SERPINB9: variants seen among roughly 807,000 people sequenced by gnomAD.
SERPINB9 encodes serpin family B member 9.
SERPINB9 carries 20 observed loss-of-function variants against 27.2 expected under a neutral mutation model. The observed-to-expected ratio is 0.74, with a 90% CI of 0.52 to 1.07. SERPINB9 has a LOEUF of 1.07. Ranked by LOEUF, SERPINB9 falls within the 50% of genes least tolerant of loss-of-function variation. SERPINB9 has a pLI of 0.00. For missense variants in SERPINB9, 476 were observed against 460.1 expected (o/e 1.03, Z -0.32); for synonymous variants, 189 against 180.0 (o/e 1.05, Z -0.40).
In SERPINB9 at chr6:2,891,997, A is replaced by C. The variant is rs565478932; in HGVS notation, c.568-9T>G. 4 of 1,605,544 alleles carry C rather than the reference A, an allele frequency of 2.5e-6. No individual in the cohort carries two copies. The highest frequency in any genetic ancestry group is 1.7e-4 in the Middle Eastern group (1 of 6,048). ...ACTGGCCTTTGCTCCTCCTGGGGGA[A>C]GGATTATTGAAAGACGCAATTAAAA... On this transcript the variant is annotated splice_polypyrimidine_tract_variant and intron_variant, in intron 5 of 6. Coordinates refer to ENST00000380698, the MANE Select transcript of SERPINB9 (RefSeq NM_004155.6). This position sits in a 1 kb window ranked among gnomAD's most constrained non-coding sequence, Gnocchi z 4.0.
In SERPINB9 at chr6:2,888,782, A is replaced by T. The variant is rs1767677961; in HGVS notation, c.*1381T>A. 1.3e-5 allele frequency: 2 copies of T among 152,160 alleles called. No individual in the cohort carries two copies. The allele number at this position is 152,160 out of a possible 1,614,324, so 9.4% of individuals were successfully genotyped here. ...TGGTGGTTATGCAACATTGTTAACA[A>T]TACTAAGTGGCACTGAACTTCTCAC... On this transcript the variant is annotated 3_prime_UTR_variant, in exon 7 of 7. Transcript: ENST00000380698.
Position 2,891,856 on chromosome 6 carries a change from C to T in SERPINB9, c.700G>A (p.Asp234Asn), listed in dbSNP as rs1372969648. 1.9e-6 allele frequency: 3 copies of T among 1,608,460 alleles called. No homozygotes were observed. The highest frequency in any genetic ancestry group is 3.4e-5 in the Admixed American group (2 of 59,510). Residue 234 changes from aspartate (D) to asparagine (N), a missense_variant, in exon 6 of 7, where the codon GAC (aspartate) becomes AAC (asparagine). Coordinates refer to ENST00000380698, the MANE Select transcript of SERPINB9 (RefSeq NM_004155.6). This position sits in a 1 kb window ranked among gnomAD's most constrained non-coding sequence, Gnocchi z 4.0. ...ACCGTGCTGAGCTCCACGCCGTCGT[C>T]AGGCAGCAGCACCAGCAGGCTCAGC... ...KELSLLVLLPDDGVELSTVEK... is the reference protein window; with the variant it reads ...KELSLLVLLPNDGVELSTVEK...
chr6:2,902,491 T>C (rs958709049), intron 1 of SERPINB9, among the ~76,000 whole-genome samples: 20 of 152,060 alleles, frequency 1.3e-4, no homozygotes, highest in African/African-American at 4.8e-4. Context: ...TTTATTTTTT[T>C]GTTGTTGTTG....
Position 2,896,134 on chromosome 6 carries a change from A to G in SERPINB9, c.225T>C (p.Thr75=). The G allele has an allele frequency of 3.1e-6, 5 of 1,614,104 alleles. No homozygotes were observed. Among genetic ancestry groups the G allele is most frequent in the Non-Finnish European group, 4.2e-6 (5 of 1,179,984 alleles). The change falls in exon 3 of 7, where the codon ACT becomes ACC. Residue 75 remains threonine, a synonymous_variant. Transcript: ENST00000380698. The part of the protein sequence containing the change: ...DIHRAFQSLL[T]EVNKAGTQYL... ...ACTGTGTGCCAGCCTTGTTCACTTC[A>G]GTGAGAAGCGACTGGAAAGCCCGAT...
rs952407756 is a variant in SERPINB9 at position 2,890,123 on chromosome 6, A to G, written c.*40T>C. 6.3e-6 allele frequency: 10 copies of G among 1,581,678 alleles called. No homozygotes were observed. The highest frequency in any genetic ancestry group is 7.7e-6 in the Non-Finnish European group (9 of 1,161,412). ...AGCTGTAGTGGGGATCTGGGGACACAGGAAGAGGGAAATGGCCGAGTGCAC... is the reference window on the plus strand; with the variant it reads ...AGCTGTAGTGGGGATCTGGGGACACGGGAAGAGGGAAATGGCCGAGTGCAC... On this transcript the variant is annotated 3_prime_UTR_variant, in exon 7 of 7. Transcript: ENST00000380698. The surrounding 1 kb of genome is among the most constrained non-coding windows in gnomAD (Gnocchi z 6.2).
Position 2,891,380 on chromosome 6 carries a change from T to C in SERPINB9, c.723+453A>G, listed in dbSNP as rs1767795891. ...ATAATGCTAAGAATGATGATTGTAA[T>C]AATGGATCACATTTGTAGAGCATTT... On this transcript the variant is annotated intron_variant, in intron 6 of 6. Transcript: ENST00000380698. The surrounding 1 kb of genome is among the most constrained non-coding windows in gnomAD (Gnocchi z 4.0). 6.6e-6 allele frequency among the ~76,000 whole-genome samples: 1 copy of C among 152,342 alleles called. No homozygotes were observed. Among genetic ancestry groups the C allele is most frequent in the South Asian group, 2.1e-4 (1 of 4,832 alleles).
chr6:2,890,292 G>C lies in SERPINB9; in HGVS notation c.1002C>G (p.Ser334Arg). 2 of 1,614,232 alleles carry C rather than the reference G, an allele frequency of 1.2e-6. No homozygotes were observed. The highest frequency in any genetic ancestry group is 2.2e-5 in the East Asian group (1 of 44,888). ...EEGTEAAAAS[S>R]CFVVAECCME... is the part of the protein sequence containing the mutation. ...TGCAGCACTCTGCAACTACAAAGCA[G>C]CTCGACGCTGCCGCTGCCTCGGTGC... is the stretch of plus-strand genomic sequence containing the variant. Residue 334 changes from serine (S) to arginine (R), a missense_variant, in exon 7 of 7, where the codon AGC (serine) becomes AGG (arginine). Transcript: ENST00000380698. This position sits in a 1 kb window ranked among gnomAD's most constrained non-coding sequence, Gnocchi z 6.2.
Position 2,890,002 on chromosome 6 carries a change from G to A in SERPINB9, c.*161C>T, listed in dbSNP as rs563457787. 14 of 582,554 alleles carry A rather than the reference G, an allele frequency of 2.4e-5. No homozygotes were observed. In the Admixed American group the frequency reaches 3.7e-4, roughly 15 times the overall value. The allele number at this position is 582,554 out of a possible 1,614,324, so 36.1% of individuals were successfully genotyped here. ...CTGATTAAGTAGCATAAGCGAGTGT[G>A]GAGCATCATGAATTCATGCTGGCAA... On this transcript the variant is annotated 3_prime_UTR_variant, in exon 7 of 7. Coordinates refer to ENST00000380698, the MANE Select transcript of SERPINB9 (RefSeq NM_004155.6). The surrounding 1 kb of genome is among the most constrained non-coding windows in gnomAD (Gnocchi z 6.2).
At position 2,894,945 on chromosome 6, in the gene SERPINB9, G is replaced by T. The variant is rs986551377; in HGVS notation, c.424+446C>A. 1.8e-4 allele frequency among the ~76,000 whole-genome samples: 27 copies of T among 151,648 alleles called. No individual in the cohort carries two copies. Among genetic ancestry groups the T allele is most frequent in the Admixed American group, 3.9e-4 (6 of 15,212 alleles). ...TTTTTAGTAGAGATGTTGGGCGGGGGGGGGTCCCACCATGTTGGTCAGGCT... is the reference window on the plus strand; with the variant it reads ...TTTTTAGTAGAGATGTTGGGCGGGGTGGGGTCCCACCATGTTGGTCAGGCT... On this transcript the variant is annotated intron_variant, in intron 4 of 6. Transcript: ENST00000380698. The surrounding 1 kb of genome is among the most constrained non-coding windows in gnomAD (Gnocchi z 4.7).
chr6:2,900,464 T>C lies in SERPINB9; in HGVS notation c.148A>G (p.Thr50Ala). Residue 50 changes from threonine (T) to alanine (A), a missense_variant, in exon 2 of 7, where the codon ACC (threonine) becomes GCC (alanine). Coordinates refer to ENST00000380698, the MANE Select transcript of SERPINB9 (RefSeq NM_004155.6). ...AMVLLGAKGNTATQMAQALSL... is the reference protein window; with the variant it reads ...AMVLLGAKGNAATQMAQALSL... ...CTTACCTGGGCCATCTGGGTTGCGG[T>C]GTTTCCCTTTGCCCCTAGGAGAACC... The C allele has an allele frequency of 6.2e-7, 1 of 1,614,092 alleles. No homozygotes were observed. The highest frequency in any genetic ancestry group is 8.5e-7 in the Non-Finnish European group (1 of 1,180,018).
At chr6:2,895,673 T>TA (rs1362431790) in intron 3 of SERPINB9, among the ~76,000 whole-genome samples, 165 bp from the exon 4 acceptor site, 2 of 152,062 alleles carry the variant, frequency 1.3e-5, no homozygotes, top group Admixed American at 1.3e-4. Context: ...TGTGAATAGG[T>TA]ATGTATTGAA....
In SERPINB9 at chr6:2,894,802, T is replaced by A. The variant is rs1362929280; in HGVS notation, c.424+589A>T. ...GTTTTTGAGACAGGCTGGAGTTCAG[T>A]GGCATGATCTCAGCTCACTACAACT... On this transcript the variant is annotated intron_variant, in intron 4 of 6. Transcript: ENST00000380698. This position sits in a 1 kb window ranked among gnomAD's most constrained non-coding sequence, Gnocchi z 4.7. 6.6e-6 allele frequency among the ~76,000 whole-genome samples: 1 copy of A among 152,192 alleles called. No individual in the cohort carries two copies.
intron 5 of SERPINB9, among the ~76,000 whole-genome samples, chr6:2,892,346 G>A (rs1477398529): frequency 2.6e-5 from 4 of 151,934 alleles, no homozygotes; most frequent in African/African-American, 4.8e-5. Context: ...AGAAAAAAAT[G>A]TGTATTGTTT....
At position 2,900,518 on chromosome 6, in the gene SERPINB9, G is replaced by A. The variant is rs1768161216; in HGVS notation, c.94C>T (p.Pro32Ser). The change falls in exon 2 of 7, where the codon CCT becomes TCT. Residue 32 changes from proline to serine, a missense_variant. Physicochemically the swap from Pro to Ser is moderately conservative, Grantham distance 74. Transcript: ENST00000380698. ...GCCAGGGCAGAGGAGATGCTCACAG[G>A]AGAACAGAACACGTTGTGCGAAGGG... The part of the protein sequence containing the change: ...DNPSHNVFCS[P>S]VSISSALAMV... The A allele has an allele frequency of 1.1e-5, 17 of 1,614,040 alleles. No homozygotes were observed. In the East Asian group the frequency reaches 3.6e-4, roughly 34 times the overall value.
In SERPINB9 at chr6:2,894,662, G is replaced by A. The variant is rs1167725892; in HGVS notation, c.424+729C>T. Among the ~76,000 whole-genome samples, 1 of 152,182 alleles carries A rather than the reference G, an allele frequency of 6.6e-6. No homozygotes were observed. The highest frequency in any genetic ancestry group is 1.9e-4 in the East Asian group (1 of 5,194). The stretch of plus-strand genomic sequence containing the variant: ...CCAATCTCCTTCTCGCAGAGACAAT[G>A]GAGTCACCTGACATGTGAATGTTAC... On this transcript the variant is annotated intron_variant, in intron 4 of 6. Transcript: ENST00000380698. The surrounding 1 kb of genome is among the most constrained non-coding windows in gnomAD (Gnocchi z 4.7).
At position 2,889,892 on chromosome 6, in the gene SERPINB9, A is replaced by G. The variant is rs1767728595; in HGVS notation, c.*271T>C. The G allele has an allele frequency of 5.7e-6, 2 of 349,748 alleles. No homozygotes were observed. The highest frequency in any genetic ancestry group is 1.0e-5 in the Non-Finnish European group (2 of 190,914). 21.7% of individuals were successfully genotyped at this position (349,748 alleles called of 1,614,324 possible). A position where few individuals can be genotyped will look rare whatever the true frequency, so the allele number is the denominator to read the frequency against. ...CAGAGTGAATTGCATGTGGAATTCT[A>G]GAAGAACTTTGCTTGCCATCCTATG... On this transcript the variant is annotated 3_prime_UTR_variant, in exon 7 of 7. Transcript: ENST00000380698.
chr6:2,898,411 G>T (rs1768075429), intron 2 of SERPINB9, among the ~76,000 whole-genome samples: 2 of 152,222 alleles, frequency 1.3e-5, no homozygotes, highest in South Asian at 4.1e-4. Flanking sequence ...GCCAACACAT[G>T]TTGAGCACTT....
rs987774897 is a variant in SERPINB9 at position 2,889,679 on chromosome 6, A to C, written c.*484T>G. ...CACTGCACTCCAGCCTGGGCGACAG[A>C]GAGCCAGACTGCGTCTCAGAAAAAA... On this transcript the variant is annotated 3_prime_UTR_variant, in exon 7 of 7. Transcript: ENST00000380698. 2 of 149,066 alleles carry C rather than the reference A, an allele frequency of 1.3e-5. No individual in the cohort carries two copies. Among genetic ancestry groups the C allele is most frequent in the African/African-American group, 2.5e-5 (1 of 40,202 alleles). The allele number at this position is 149,066 out of a possible 1,614,324, so 9.2% of individuals were successfully genotyped here. A position where few individuals can be genotyped will look rare whatever the true frequency, so the allele number is the denominator to read the frequency against.
intron 2 of SERPINB9, among the ~76,000 whole-genome samples, chr6:2,899,367 T>A (rs1198849537): frequency 6.6e-6 from 1 of 152,208 alleles, no homozygotes; most frequent in African/African-American, 2.4e-5. Flanking sequence ...ACCTACGCTC[T>A]TGCACAAAGG....
Sources: allele counts gnomAD v4.1 joint callset (sites outside exome capture counted in the v4.1 genomes callset), GRCh38; gene constraint gnomAD v4.1.1; non-coding constraint Gnocchi (gnomAD v3.1); transcripts MANE v1.5; gene names NCBI Gene and HGNC (gene_info 2026-07-23, HGNC 2026-07-21).